Variants in CPPED1 observed in about 807,000 individuals in gnomAD.
CPPED1 encodes the protein serine/threonine-protein phosphatase CPPED1.
In CPPED1, 28 loss-of-function variants were observed where a neutral mutation model predicts 28.0. That is an observed-to-expected ratio of 1.00 (90% CI 0.74 to 1.37). The LOEUF (loss-of-function observed/expected upper bound fraction) is 1.37, where lower values mean the gene tolerates loss of function less well. CPPED1 is among the 40% of genes most tolerant of loss of function. The pLI is 0.00. For synonymous variants in CPPED1, 198 were observed against 180.2 expected (o/e 1.10, Z -0.79); for missense variants, 504 against 416.5 (o/e 1.21, Z -1.83).
intron 2 of CPPED1, among the ~76,000 whole-genome samples, chr16:12,773,227 T>C (rs2080479662): frequency 1.3e-5 from 2 of 152,168 alleles, no homozygotes; most frequent in African/African-American, 2.4e-5. Flanking sequence ...ATTTTGGAAG[T>C]CCTGTAAGAA....
At chr16:12,770,035 G>A (rs981535716) in intron 2 of CPPED1, among the ~76,000 whole-genome samples, 12 of 152,140 alleles carry the variant, frequency 7.9e-5, no homozygotes, top group Admixed American at 3.9e-4. Flanking sequence ...TGAACAAAAC[G>A]GTTTCTGTTC....
At chr16:12,759,862 A>T (rs1158551666) in intron 2 of CPPED1, among the ~76,000 whole-genome samples, 1 of 152,232 alleles carries the variant, frequency 6.6e-6, no homozygotes, top group Non-Finnish European at 1.5e-5. Flanking sequence ...TTAAACCCGT[A>T]TCAGGTGGTA....
chr16:12,694,376 T>G (rs750353945), intron 3 of CPPED1, among the ~76,000 whole-genome samples: 1 of 152,228 alleles, frequency 6.6e-6, no homozygotes, highest in Non-Finnish European at 1.5e-5. Flanking sequence ...ATCAGCAGCA[T>G]ACATTTACAC....
chr16:12,777,578 C>T (rs2080504836), intron 2 of CPPED1, among the ~76,000 whole-genome samples: 1 of 152,200 alleles, frequency 6.6e-6, no homozygotes, highest in African/African-American at 2.4e-5. Flanking sequence ...CAAAAGATGC[C>T]TGCAAAACAA....
Position 12,704,623 on chromosome 16 carries a change from C to T in CPPED1, c.715+1G>A. 1 of 1,605,782 alleles carries T rather than the reference C, an allele frequency of 6.2e-7. No homozygotes were observed. The highest frequency in any genetic ancestry group is 1.1e-5 in the South Asian group (1 of 89,962). ...TGAAACCCGTGGCCCGGGGCCTCTA[C>T]CTGCGTGGATGAACTTGTCTGCCAA... On this transcript the variant is annotated splice_donor_variant, in intron 3 of 3. Transcript: ENST00000381774. LOFTEE classifies it high-confidence loss of function.
At chr16:12,735,414 T>TCCGCCTCAGCCTC (rs2080221679) in intron 2 of CPPED1, among the ~76,000 whole-genome samples, 2 of 152,218 alleles carry the variant, frequency 1.3e-5, no homozygotes, top group Non-Finnish European at 2.9e-5. Flanking sequence ...GCCTTAGCGT[T>TCCGCCTCAGCCTC]CCGCCTCAGC....
chr16:12,803,180 G>A (rs1279759017), intron 1 of CPPED1, among the ~76,000 whole-genome samples: 5 of 152,188 alleles, frequency 3.3e-5, no homozygotes, highest in Admixed American at 1.3e-4. Flanking sequence ...ACTCTCGAAT[G>A]CCCTCCCTCT....
At chr16:12,708,685 C>T (rs1460454694) in intron 2 of CPPED1, among the ~76,000 whole-genome samples, 3 of 152,236 alleles carry the variant, frequency 2.0e-5, no homozygotes, top group African/African-American at 4.8e-5. Flanking sequence ...AACAAGCTCT[C>T]ATTTGCATGT....
chr16:12,802,067 G>A (rs1308920835), intron 1 of CPPED1, among the ~76,000 whole-genome samples: 1 of 152,120 alleles, frequency 6.6e-6, no homozygotes, highest in Admixed American at 6.6e-5. Flanking sequence ...TCTTCTCAGG[G>A]CTCCCCACTG....
chr16:12,664,409 T>G lies in CPPED1; in HGVS notation c.*477A>C. The G allele has an allele frequency of 2.0e-6, 2 of 1,008,490 alleles. No individual in the cohort carries two copies. Among genetic ancestry groups the G allele is most frequent in the Non-Finnish European group, 1.2e-6 (1 of 845,866 alleles). The allele number at this position is 1,008,490 out of a possible 1,614,324, so 62.5% of individuals were successfully genotyped here. On this transcript the variant is annotated 3_prime_UTR_variant, in exon 4 of 4. Coordinates refer to ENST00000381774, the MANE Select transcript of CPPED1 (RefSeq NM_018340.3). This position sits in a 1 kb window ranked among gnomAD's most constrained non-coding sequence, Gnocchi z 4.2. ...CAAGGGAGACAGCTGTTCGTTCCGC[T>G]GGAAAGGAAAGGAGATGAACTTTGT...
chr16:12,700,896 G>A (rs1256294564), intron 3 of CPPED1, among the ~76,000 whole-genome samples: 1 of 152,088 alleles, frequency 6.6e-6, no homozygotes, highest in East Asian at 1.9e-4. Context: ...AGAACCTGGG[G>A]TGGGGAGGAG....
At chr16:12,747,559 T>C (rs938987170) in intron 2 of CPPED1, among the ~76,000 whole-genome samples, 1 of 152,016 alleles carries the variant, frequency 6.6e-6, no homozygotes, top group Admixed American at 6.6e-5. Flanking sequence ...CTGAATAGCC[T>C]TGTAGCTATT....
At chr16:12,673,313 C>G (rs1332135648) in intron 3 of CPPED1, among the ~76,000 whole-genome samples, 4 of 152,204 alleles carry the variant, frequency 2.6e-5, no homozygotes, top group Admixed American at 1.3e-4. Context: ...ATCAGCCCTG[C>G]CTGGGGGAAC....
intron 1 of CPPED1, among the ~76,000 whole-genome samples, chr16:12,792,959 T>A (rs1048412181): frequency 2.0e-5 from 3 of 152,030 alleles, no homozygotes; most frequent in Non-Finnish European, 1.5e-5. Context: ...TGGTATACGC[T>A]CTCCATTCCA....
At chr16:12,755,326 G>A (rs1223982614) in intron 2 of CPPED1, among the ~76,000 whole-genome samples, 1 of 138,914 alleles carries the variant, frequency 7.2e-6, no homozygotes, top group East Asian at 2.2e-4. Flanking sequence ...CTGTTGCCCA[G>A]GCTGCAGTTC....
chr16:12,697,255 G>A (rs748467623), intron 3 of CPPED1, among the ~76,000 whole-genome samples: 1 of 152,000 alleles, frequency 6.6e-6, no homozygotes, highest in Non-Finnish European at 1.5e-5. Flanking sequence ...GAACTCCTGA[G>A]CTCAGGTGAT....
intron 2 of CPPED1, among the ~76,000 whole-genome samples, chr16:12,735,181 T>C (rs984335497): frequency 2.0e-5 from 3 of 152,184 alleles, no homozygotes; most frequent in African/African-American, 7.2e-5. Flanking sequence ...GCTCCCAACA[T>C]ACTCCATGGA....
At chr16:12,686,528 C>A (rs144594764) in intron 3 of CPPED1, among the ~76,000 whole-genome samples, 2 of 152,304 alleles carry the variant, frequency 1.3e-5, no homozygotes, top group Non-Finnish European at 2.9e-5. Flanking sequence ...CTTCTTGTAT[C>A]ATTTCTATTC....
chr16:12,727,971 T>C (rs1350353180), intron 2 of CPPED1, among the ~76,000 whole-genome samples: 1 of 152,236 alleles, frequency 6.6e-6, no homozygotes, highest in Non-Finnish European at 1.5e-5. Flanking sequence ...TTATAACTGA[T>C]GGTGAGATCT....
Sources: gnomAD v4.1 joint callset for allele counts (sites outside exome capture counted in the v4.1 genomes callset) on GRCh38, gnomAD v4.1.1 for gene constraint, Gnocchi (gnomAD v3.1) non-coding constraint, MANE v1.5 for transcripts, NCBI Gene and HGNC (gene_info 2026-07-23, HGNC 2026-07-21) for gene names.